MAP3K5: variants seen among roughly 807,000 people sequenced by gnomAD.
MAP3K5 encodes the protein ASK-1.
Under a neutral mutation model 158.7 loss-of-function variants are expected in MAP3K5, and 56 were observed. That is an observed-to-expected ratio of 0.35 (90% CI 0.28 to 0.44). The LOEUF is 0.44. Among genes scored for constraint, MAP3K5 ranks in the 20% least tolerant of loss-of-function variants. The pLI, the probability that MAP3K5 is intolerant of heterozygous loss-of-function variation, is 1.00. For synonymous variants in MAP3K5, 579 were observed against 601.7 expected, an observed-to-expected ratio of 0.96 and a Z score of 0.55; for missense variants, 1,294 against 1,674.8, an observed-to-expected ratio of 0.77 and a Z score of 3.97.
At chr6:136,736,851 T>C (rs1272922129) in intron 1 of MAP3K5, among the ~76,000 whole-genome samples, 2 of 151,416 alleles carry the variant, frequency 1.3e-5, no homozygotes, top group Non-Finnish European at 2.9e-5. Flanking sequence ...ATGTTTTACA[T>C]ATTTTTTCTA....
chr6:136,791,649 A>G (rs556877287), intron 1 of MAP3K5, 61 bp downstream of exon 1: 1 of 1,560,552 alleles, frequency 6.4e-7, no homozygotes, highest in Non-Finnish European at 8.8e-7. Context: ...AATGCCCCGA[A>G]GACCGCCAGA....
At chr6:136,697,416 T>G (rs779577097) in intron 4 of MAP3K5, 29 bp from the exon 5 acceptor site, 3 of 1,545,884 alleles carry the variant, frequency 1.9e-6, no homozygotes, top group Admixed American at 3.9e-5. Context: ...TTTCAAAGAG[T>G]TTGACATTAG....
intron 23 of MAP3K5, among the ~76,000 whole-genome samples, chr6:136,586,824 A>C (rs753029518): frequency 1.1e-4 from 16 of 152,192 alleles, no homozygotes; most frequent in Non-Finnish European, 2.4e-4. Flanking sequence ...GCAGGCAGAA[A>C]AATGTGAAAA....
At position 136,618,826 on chromosome 6, in the gene MAP3K5, A is replaced by C. The variant is rs9494542; in HGVS notation, c.2150+4022T>G. The stretch of plus-strand genomic sequence containing the variant: ...AGGAAACTCTGGAACGACACCAAAC[A>C]AATATGAAATTGAATGAAACTACAC... On this transcript the variant is annotated intron_variant, in intron 15 of 29. Transcript: ENST00000359015. Among the ~76,000 whole-genome samples the C allele has an allele frequency of 2.8e-3, 427 of 152,352 alleles. 1 individual carries two copies. The highest frequency in any genetic ancestry group is 9.8e-3 in the African/African-American group (408 of 41,582).
chr6:136,637,322 T>C lies in MAP3K5; in HGVS notation c.2016+3A>G, dbSNP rs372019417. 4 of 1,602,248 alleles carry C rather than the reference T, an allele frequency of 2.5e-6. No homozygotes were observed. Among genetic ancestry groups the C allele is most frequent in the Admixed American group, 3.3e-5 (2 of 59,984 alleles). On this transcript the variant is annotated splice_donor_region_variant and intron_variant, in intron 14 of 29. Transcript: ENST00000359015. Reference sequence around the variant, plus strand: ...AAATGTAAATGGACACCTAAGTCATTACCTCCAGCAAGTCACTTTCACAGT... The same window carrying C: ...AAATGTAAATGGACACCTAAGTCATCACCTCCAGCAAGTCACTTTCACAGT...
Position 136,792,089 on chromosome 6 carries a change from G to T in MAP3K5, c.69C>A (p.Thr23=). The T allele has an allele frequency of 6.3e-7, 1 of 1,580,798 alleles. No homozygotes were observed. ...TCCTGCAGATGCCGCCCTCGGGGAT[G>T]GTGCAGAAGCCCGAGGGGGCGAAGG... ...VPPFAPSGFC[T]IPEGGICRRG... The change falls in exon 1 of 30, where the codon ACC becomes ACA. Residue 23 remains threonine (T), a synonymous_variant. Transcript: ENST00000359015. The surrounding 1 kb of genome is among the most constrained non-coding windows in gnomAD (Gnocchi z 5.7).
At chr6:136,572,057 G>C (rs1395183226) in intron 25 of MAP3K5, among the ~76,000 whole-genome samples, 1 of 152,134 alleles carries the variant, frequency 6.6e-6, no homozygotes, top group African/African-American at 2.4e-5. Flanking sequence ...TGATTGCAGG[G>C]GCTAAACGTA....
At chr6:136,697,157 A>T in intron 5 of MAP3K5, 62 bp downstream of exon 5, 2 of 1,435,722 alleles carry the variant, frequency 1.4e-6, no homozygotes, top group Non-Finnish European at 1.9e-6. Flanking sequence ...ATTTGAGGTT[A>T]ATACTCCCTT....
chr6:136,633,225 C>T (rs915122312), intron 14 of MAP3K5, among the ~76,000 whole-genome samples: 2 of 151,710 alleles, frequency 1.3e-5, no homozygotes, highest in African/African-American at 4.8e-5. Context: ...ATGGTGAAAC[C>T]CTGTCTCTAC....
intron 2 of MAP3K5, among the ~76,000 whole-genome samples, chr6:136,707,596 A>G (rs1162657527): frequency 6.6e-6 from 1 of 152,234 alleles, no homozygotes; most frequent in East Asian, 1.9e-4. Flanking sequence ...TCATTTGGCT[A>G]AAGCAGAAAG....
At chr6:136,584,778 G>A (rs1299474832) in intron 23 of MAP3K5, among the ~76,000 whole-genome samples, 8 of 152,252 alleles carry the variant, frequency 5.3e-5, no homozygotes, top group Middle Eastern at 3.4e-3. Context: ...TGCAAACTCC[G>A]GGGACTTGAA....
At chr6:136,779,539 T>C (rs1299892547) in intron 1 of MAP3K5, among the ~76,000 whole-genome samples, 1 of 152,144 alleles carries the variant, frequency 6.6e-6, no homozygotes, top group Non-Finnish European at 1.5e-5. Context: ...ATGCTGTTTG[T>C]GTATGGCTTG....
At chr6:136,611,107 C>CAAAAAAAAA (rs59508317) in intron 18 of MAP3K5, among the ~76,000 whole-genome samples, 175 bp downstream of exon 18, 122 of 24,314 alleles carry the variant, frequency 5.0e-3, no homozygotes, top group Non-Finnish European at 5.6e-3. Flanking sequence ...GACCCTGTCT[C>CAAAAAAAAA]AAAAAAAAAA....
At position 136,588,321 on chromosome 6, in the gene MAP3K5, A is replaced by G. The variant is rs78160959; in HGVS notation, c.3225+3852T>C. Among the ~76,000 whole-genome samples, 1,887 of 152,302 alleles carry G rather than the reference A, an allele frequency of 0.012. 94 individuals carry two copies. In the East Asian group the frequency reaches 0.14, roughly 11 times the overall value. On this transcript the variant is annotated intron_variant, in intron 23 of 29. Coordinates refer to ENST00000359015, the MANE Select transcript of MAP3K5 (RefSeq NM_005923.4). ...TCCTAACTCCATCACTTAGGACTGC[A>G]TGACTTCGGCAAACTACTCAAGTCC...
At position 136,698,731 on chromosome 6, in the gene MAP3K5, G is replaced by A. The variant is rs202191070; in HGVS notation, c.613-49C>T. ...AAGTGGGGAGCTGGCCTGGAGACAC[G>A]GCACAGATGGAATCCCACGTCTTAC... On this transcript the variant is annotated intron_variant, in intron 3 of 29. Coordinates refer to ENST00000359015, the MANE Select transcript of MAP3K5 (RefSeq NM_005923.4). The A allele has an allele frequency of 1.7e-3, 2,199 of 1,305,896 alleles. 3 individuals are homozygous for A. The highest frequency in any genetic ancestry group is 2.2e-3 in the Non-Finnish European group (2,068 of 920,484). The allele number at this position is 1,305,896 out of a possible 1,614,324, so 80.9% of individuals were successfully genotyped here.
intron 10 of MAP3K5, among the ~76,000 whole-genome samples, chr6:136,651,462 AAGAC>A (rs1408981389): frequency 1.3e-5 from 2 of 152,212 alleles, no homozygotes; most frequent in East Asian, 1.9e-4. Context: ...GTGTCAAAGA[AAGAC>A]AGAAAAGGTC....
At chr6:136,754,430 T>A (rs1182887300) in intron 1 of MAP3K5, among the ~76,000 whole-genome samples, 1 of 151,500 alleles carries the variant, frequency 6.6e-6, no homozygotes, top group Non-Finnish European at 1.5e-5. Flanking sequence ...ATACAAGAAA[T>A]TTGCCAGATG....
At chr6:136,576,002 T>C (rs1774600739) in intron 25 of MAP3K5, among the ~76,000 whole-genome samples, 1 of 152,262 alleles carries the variant, frequency 6.6e-6, no homozygotes, top group East Asian at 1.9e-4. Context: ...TAATTATTAC[T>C]GTGGTGTTTG....
chr6:136,665,417 G>C (rs945518630), intron 8 of MAP3K5, among the ~76,000 whole-genome samples: 5 of 151,290 alleles, frequency 3.3e-5, no homozygotes, highest in African/African-American at 1.2e-4. Context: ...CACAATCTTG[G>C]CTCATTGCAA....
Sources: allele counts gnomAD v4.1 joint callset (sites outside exome capture counted in the v4.1 genomes callset), GRCh38; gene constraint gnomAD v4.1.1; non-coding constraint Gnocchi (gnomAD v3.1); transcripts MANE v1.5; gene names NCBI Gene and HGNC (gene_info 2026-07-23, HGNC 2026-07-21).